The following FGD6 variants were observed in gnomAD, a reference collection of about 807,000 sequenced individuals.
FGD6 encodes the protein FYVE, RhoGEF and PH domain containing 6.
Under a neutral mutation model 149.4 loss-of-function variants are expected in FGD6, and 90 were observed. The observed-to-expected ratio is 0.60, with a 90% CI of 0.51 to 0.72. The LOEUF is 0.72. Among genes scored for constraint, FGD6 ranks in the 30% least tolerant of loss-of-function variants. The pLI, the probability that FGD6 is intolerant of heterozygous loss-of-function variation, is 0.00. For synonymous variants in FGD6, 527 were observed against 584.0 expected, an observed-to-expected ratio of 0.90 and a Z score of 1.41; for missense variants, 1,437 against 1,684.8, an observed-to-expected ratio of 0.85 and a Z score of 2.57.
intron 5 of FGD6, among the ~76,000 whole-genome samples, chr12:95,149,428 A>G (rs1374191190): frequency 7.8e-6 from 1 of 128,024 alleles, no homozygotes; most frequent in Admixed American, 1.0e-4. Flanking sequence ...TATATAATAT[A>G]TAGCATATAT....
At chr12:95,084,069 G>A (rs558661551) in intron 20 of FGD6, among the ~76,000 whole-genome samples, 1 of 152,272 alleles carries the variant, frequency 6.6e-6, no homozygotes, top group African/African-American at 2.4e-5. Context: ...TTTCCCCAAA[G>A]AAGTTAGCGA....
chr12:95,169,960 A>C (rs1880942925), intron 3 of FGD6, among the ~76,000 whole-genome samples: 1 of 151,968 alleles, frequency 6.6e-6, no homozygotes. Flanking sequence ...TTCTCTATTA[A>C]AAATACAAAA....
rs754051793 is a variant in FGD6, at chr12:95,152,977, A to C, written c.2603T>G (p.Met868Arg). 7 of 1,613,980 alleles carry C rather than the reference A, an allele frequency of 4.3e-6. No homozygotes were observed. The South Asian group carries it at 6.6e-5, about 15-fold the overall frequency. ...LEDKQDEDNG[M>R]KSKVHHIAKE... The stretch of plus-strand genomic sequence containing the variant: ...GGCAATATGATGAACTTTACTTTTC[A>C]TTCCATTATCTTCATCCTGTGGATA... Residue 868 changes from methionine (M) to arginine (R), a missense_variant, in exon 4 of 21, where the codon ATG (methionine) becomes AGG (arginine). By Grantham distance (91) the Met-to-Arg change is moderately conservative (BLOSUM62 -1). Transcript: ENST00000343958.
At chr12:95,168,373 G>A (rs1880886691) in intron 3 of FGD6, among the ~76,000 whole-genome samples, 2 of 152,036 alleles carry the variant, frequency 1.3e-5, no homozygotes, top group East Asian at 1.9e-4. Context: ...CATAAAAATC[G>A]TTAATAGCAG....
intron 2 of FGD6, among the ~76,000 whole-genome samples, chr12:95,204,699 T>G (rs376418907): frequency 7.8e-5 from 11 of 141,154 alleles, no homozygotes; most frequent in Middle Eastern, 3.4e-3. Flanking sequence ...GGGACACACG[T>G]GCATGCACGC....
intron 2 of FGD6, 124 bp from the exon 3 acceptor site, chr12:95,172,868 T>C (rs1881034848): frequency 1.3e-6 from 1 of 770,956 alleles, no homozygotes; most frequent in African/African-American, 1.8e-5. Flanking sequence ...TGTGGAAGAA[T>C]GAAAAGACCC....
intron 7 of FGD6, among the ~76,000 whole-genome samples, chr12:95,135,229 T>C (rs558057812): frequency 6.6e-6 from 1 of 152,260 alleles, no homozygotes; most frequent in Non-Finnish European, 1.5e-5. Context: ...GCAGTGGAAA[T>C]ACAACTGCCA....
intron 2 of FGD6, among the ~76,000 whole-genome samples, chr12:95,204,033 C>T (rs1174432818): frequency 6.6e-6 from 1 of 152,084 alleles, no homozygotes; most frequent in African/African-American, 2.4e-5. Flanking sequence ...ATAGAAAGAT[C>T]CTTTGCCTGC....
chr12:95,206,547 G>C (rs535977970), intron 2 of FGD6, among the ~76,000 whole-genome samples: 1 of 152,022 alleles, frequency 6.6e-6, no homozygotes, highest in South Asian at 2.1e-4. Context: ...AAAATCAGCT[G>C]GGTGTGGTGG....
intron 5 of FGD6, among the ~76,000 whole-genome samples, chr12:95,144,608 G>A (rs1434199819): frequency 6.6e-6 from 1 of 151,762 alleles, no homozygotes; most frequent in African/African-American, 2.4e-5. Flanking sequence ...GTCAGGCTGG[G>A]CTCGAACTCC....
At chr12:95,177,762 T>A (rs1393711904) in intron 2 of FGD6, among the ~76,000 whole-genome samples, 1 of 152,198 alleles carries the variant, frequency 6.6e-6, no homozygotes, top group Non-Finnish European at 1.5e-5. Flanking sequence ...GCACACTAAC[T>A]ATAAAATTGG....
At chr12:95,181,661 T>C (rs962420782) in intron 2 of FGD6, among the ~76,000 whole-genome samples, 7 of 151,806 alleles carry the variant, frequency 4.6e-5, no homozygotes, top group African/African-American at 1.5e-4. Context: ...CAATAAAATA[T>C]GGCAAGTTCC....
intron 18 of FGD6, among the ~76,000 whole-genome samples, chr12:95,089,104 G>A (rs997241266): frequency 2.6e-5 from 4 of 152,158 alleles, no homozygotes; most frequent in Non-Finnish European, 5.9e-5. Context: ...TAAGCATACA[G>A]GCTATTATCA....
intron 2 of FGD6, among the ~76,000 whole-genome samples, chr12:95,207,911 AAG>A (rs2056701128): frequency 6.6e-6 from 1 of 152,176 alleles, no homozygotes; most frequent in Non-Finnish European, 1.5e-5. Context: ...CGATTTTAAT[AAG>A]AGAGATGGAG....
intron 8 of FGD6, among the ~76,000 whole-genome samples, 182 bp downstream of exon 8, chr12:95,134,557 G>A (rs1014502740): frequency 1.3e-5 from 2 of 152,146 alleles, no homozygotes; most frequent in Admixed American, 6.6e-5. Context: ...TCAAAGAACC[G>A]AAAGCCGTTC....
At chr12:95,211,823 C>A (rs1455919729) in intron 1 of FGD6, among the ~76,000 whole-genome samples, 1 of 152,180 alleles carries the variant, frequency 6.6e-6, no homozygotes, top group Non-Finnish European at 1.5e-5. Context: ...TAGGCGTGAG[C>A]CACCGCGCCC....
intron 3 of FGD6, among the ~76,000 whole-genome samples, chr12:95,155,577 C>T (rs909568788): frequency 1.3e-5 from 2 of 152,156 alleles, no homozygotes; most frequent in African/African-American, 4.8e-5. Context: ...CACTTCTATG[C>T]TCACAAGAAG....
chr12:95,160,829 A>C (rs1880617352), intron 3 of FGD6, among the ~76,000 whole-genome samples: 1 of 151,938 alleles, frequency 6.6e-6, no homozygotes, highest in Non-Finnish European at 1.5e-5. Context: ...ATGCCATTGC[A>C]CTCCAGCCTG....
intron 3 of FGD6, among the ~76,000 whole-genome samples, chr12:95,172,146 C>T (rs775715979): frequency 1.3e-5 from 2 of 151,962 alleles, no homozygotes; most frequent in Non-Finnish European, 2.9e-5. Context: ...GAGGCTGAGG[C>T]GGGTGGATCA....
Sources: gnomAD v4.1 joint callset for allele counts (sites outside exome capture counted in the v4.1 genomes callset) on GRCh38, gnomAD v4.1.1 for gene constraint, MANE v1.5 for transcripts, NCBI Gene and HGNC (gene_info 2026-07-23, HGNC 2026-07-21) for gene names.